The following FILIP1 variants were observed in gnomAD, a reference collection of about 807,000 sequenced individuals.
The protein encoded by FILIP1 is filamin A interacting protein 1, also known as filamin-A-interacting protein 1.
Under a neutral mutation model 102.1 loss-of-function variants are expected in FILIP1, and 61 were observed. The observed-to-expected ratio is 0.60, with a 90% CI of 0.49 to 0.74. The LOEUF is 0.74. FILIP1 is among the 30% of genes least tolerant of loss of function. FILIP1 has a pLI of 0.00. For missense variants in FILIP1, 1,314 were observed against 1,441.2 expected (o/e 0.91, Z 1.43); for synonymous variants, 491 against 526.9 (o/e 0.93, Z 0.93).
intron 1 of FILIP1, among the ~76,000 whole-genome samples, chr6:75,485,912 T>C (rs1295956757): frequency 6.6e-6 from 1 of 151,186 alleles, no homozygotes; most frequent in Non-Finnish European, 1.5e-5. Flanking sequence ...TTGGAACCAA[T>C]AACAAGCCTT....
intron 2 of FILIP1, among the ~76,000 whole-genome samples, chr6:75,394,135 C>T (rs931378298): frequency 4.6e-5 from 7 of 152,152 alleles, no homozygotes; most frequent in Admixed American, 4.6e-4. Flanking sequence ...ATTCTCCTTT[C>T]ACTCTTTTAG....
chr6:75,415,329 G>A (rs554372470), intron 1 of FILIP1, among the ~76,000 whole-genome samples: 55 of 152,050 alleles, frequency 3.6e-4, no homozygotes, highest in African/African-American at 1.3e-3. Flanking sequence ...GAAACTGGGT[G>A]TAGGGCATAT....
chr6:75,323,300 C>T (rs576840810), intron 4 of FILIP1, among the ~76,000 whole-genome samples: 26 of 152,176 alleles, frequency 1.7e-4, no homozygotes, highest in African/African-American at 5.3e-4. Context: ...ATGGTGCATA[C>T]ATTTGTCAAG....
intron 1 of FILIP1, among the ~76,000 whole-genome samples, chr6:75,434,076 G>A (rs1554212032): frequency 6.6e-6 from 1 of 152,194 alleles, no homozygotes; most frequent in Non-Finnish European, 1.5e-5. Context: ...GTACCATGCT[G>A]TTTTGGTTAA....
At chr6:75,301,447 A>AT (rs1453443000) in intron 6 of FILIP1, among the ~76,000 whole-genome samples, 3 of 151,968 alleles carry the variant, frequency 2.0e-5, no homozygotes, top group Non-Finnish European at 2.9e-5. Flanking sequence ...CGCCTCAGGG[A>AT]TTTTTTTTAA....
intron 1 of FILIP1, chr6:75,458,712 A>C (rs1778923978): frequency 6.6e-6 from 1 of 152,222 alleles, no homozygotes; most frequent in South Asian, 2.1e-4. Flanking sequence ...TAGGAAAAGA[A>C]GCAAGGGAAG....
intron 2 of FILIP1, among the ~76,000 whole-genome samples, chr6:75,370,063 C>T (rs902369044): frequency 6.6e-6 from 1 of 152,204 alleles, no homozygotes; most frequent in Admixed American, 6.5e-5. Flanking sequence ...CATTTCTATG[C>T]TTATGGAAGA....
At chr6:75,357,847 G>A (rs1475063439) in intron 3 of FILIP1, among the ~76,000 whole-genome samples, 3 of 152,180 alleles carry the variant, frequency 2.0e-5, no homozygotes, top group Non-Finnish European at 4.4e-5. Context: ...GGCTTGTCCA[G>A]AGGCTCTGAA....
At chr6:75,311,808 TTAAA>T (rs1231249626) in intron 5 of FILIP1, among the ~76,000 whole-genome samples, 1 of 152,250 alleles carries the variant, frequency 6.6e-6, no homozygotes, top group Non-Finnish European at 1.5e-5. Flanking sequence ...CAGCTATTTA[TTAAA>T]TAAATATTTA....
intron 4 of FILIP1, among the ~76,000 whole-genome samples, chr6:75,335,019 A>C (rs1031883586): frequency 6.6e-6 from 1 of 152,120 alleles, no homozygotes; most frequent in Non-Finnish European, 1.5e-5. Flanking sequence ...GGAAGAATGA[A>C]ATAAAGAAAA....
chr6:75,451,465 T>C (rs1778629304), intron 1 of FILIP1, among the ~76,000 whole-genome samples: 1 of 152,106 alleles, frequency 6.6e-6, no homozygotes, highest in South Asian at 2.1e-4. Flanking sequence ...TTTAACCTCA[T>C]ACATATATCA....
At chr6:75,389,446 G>C (rs774855338) in intron 2 of FILIP1, among the ~76,000 whole-genome samples, 1 of 152,118 alleles carries the variant, frequency 6.6e-6, no homozygotes, top group Non-Finnish European at 1.5e-5. Flanking sequence ...CAGAAGGAAT[G>C]GTACCAGCTT....
intron 1 of FILIP1, among the ~76,000 whole-genome samples, chr6:75,434,226 A>G (rs1266568180): frequency 1.3e-5 from 2 of 152,202 alleles, no homozygotes; most frequent in Admixed American, 1.3e-4. Context: ...TTCTGTAAAG[A>G]CAGTCATTGG....
At chr6:75,397,634 C>T (rs1036104531) in intron 2 of FILIP1, among the ~76,000 whole-genome samples, 2 of 150,834 alleles carry the variant, frequency 1.3e-5, no homozygotes, top group Non-Finnish European at 2.9e-5. Flanking sequence ...TACAACATCC[C>T]ATCTCAGGGC....
chr6:75,317,798 G>T (rs1490263132), intron 4 of FILIP1, among the ~76,000 whole-genome samples: 1 of 152,130 alleles, frequency 6.6e-6, no homozygotes. Context: ...GAAATACCAG[G>T]CTCATTCTCT....
At chr6:75,388,529 AT>A (rs1371712487) in intron 2 of FILIP1, among the ~76,000 whole-genome samples, 1 of 152,176 alleles carries the variant, frequency 6.6e-6, no homozygotes, top group Non-Finnish European at 1.5e-5. Flanking sequence ...ATGTTTTTCC[AT>A]TTGTTTGTGT....
At chr6:75,429,584 T>C (rs1262029405) in intron 1 of FILIP1, among the ~76,000 whole-genome samples, 2 of 152,052 alleles carry the variant, frequency 1.3e-5, no homozygotes, top group Non-Finnish European at 2.9e-5. Flanking sequence ...GGAAGTGGAT[T>C]TGGGGGCACT....
intron 4 of FILIP1, among the ~76,000 whole-genome samples, chr6:75,328,447 C>T (rs1249981107): frequency 6.6e-6 from 1 of 151,848 alleles, no homozygotes; most frequent in Non-Finnish European, 1.5e-5. Context: ...ATACTGTTCT[C>T]TTTACTTTTG....
intron 6 of FILIP1, among the ~76,000 whole-genome samples, chr6:75,299,893 A>G (rs1772787654): frequency 6.6e-6 from 1 of 152,162 alleles, no homozygotes; most frequent in Non-Finnish European, 1.5e-5. Flanking sequence ...ATGACTTGAG[A>G]TCCAAAGCTG....
Sources: allele counts gnomAD v4.1 joint callset (sites outside exome capture counted in the v4.1 genomes callset), GRCh38; gene constraint gnomAD v4.1.1; transcripts MANE v1.5; gene names NCBI Gene and HGNC (gene_info 2026-07-23, HGNC 2026-07-21).